LPIN1: variants seen among roughly 807,000 people sequenced by gnomAD.
LPIN1 encodes the protein phosphatidate phosphatase LPIN1.
In LPIN1, 71 loss-of-function variants were observed where a neutral mutation model predicts 107.5. The observed-to-expected ratio is 0.66, with a 90% confidence interval of 0.55 to 0.80. The LOEUF is 0.80. LPIN1 is among the 30% of genes least tolerant of loss of function. LPIN1 has a pLI of 0.00. For missense variants in LPIN1, 1,043 were observed against 1,160.6 expected (o/e 0.90, Z 1.47); for synonymous variants, 445 against 452.6 (o/e 0.98, Z 0.21).
chr2:11,817,535 G>A (rs1359261796), intron 18 of LPIN1: 1 of 152,178 alleles, frequency 6.6e-6, no homozygotes, highest in Non-Finnish European at 1.5e-5. Flanking sequence ...TAGGTCTATA[G>A]TCCACTAAGA....
intron 14 of LPIN1, 22 bp from the exon 15 acceptor site, chr2:11,802,885 A>T (rs764569863): frequency 6.2e-7 from 1 of 1,611,992 alleles, no homozygotes; most frequent in South Asian, 1.1e-5. Flanking sequence ...CTAATTGGTG[A>T]TGACATCACT....
At chr2:11,757,658 AG>A (rs1668880889) in intron 1 of LPIN1, among the ~76,000 whole-genome samples, 1 of 152,142 alleles carries the variant, frequency 6.6e-6, no homozygotes, top group Non-Finnish European at 1.5e-5. Context: ...GGTCCCTTAA[AG>A]GGCATGGTCC....
At chr2:11,694,333 T>C (rs887370483) in intron 1 of LPIN1, among the ~76,000 whole-genome samples, 1 of 152,182 alleles carries the variant, frequency 6.6e-6, no homozygotes, top group Non-Finnish European at 1.5e-5. Context: ...GAGAGGCTCA[T>C]GCAAGGATTC....
chr2:11,824,650 A>G lies in LPIN1; in HGVS notation c.2640A>G (p.Glu880=), dbSNP rs755418801. ...CTTCCAGGTATGTGAGACTCTGTGA[A>G]GTAGTCGACCACGTTTTCCCGTTGC... The part of the protein sequence containing the change: ...TNISSYVRLC[E]VVDHVFPLLK... Residue 880 remains glutamate, a synonymous_variant, in exon 21 of 21, where the codon GAA becomes GAG. Transcript: ENST00000674199. 1 of 1,614,036 alleles carries G rather than the reference A, an allele frequency of 6.2e-7. No individual in the cohort carries two copies. The highest frequency in any genetic ancestry group is 1.1e-5 in the South Asian group (1 of 91,068).
intron 1 of LPIN1, among the ~76,000 whole-genome samples, chr2:11,691,035 ACATTTTGCTTGAGGGCT>A (rs1662241567): frequency 6.7e-6 from 1 of 150,356 alleles, no homozygotes; most frequent in Non-Finnish European, 1.5e-5. Flanking sequence ...TTAGCATTAG[ACATTTTGCTTGAGGGCT>A]CATTTTGAGT....
At chr2:11,773,539 CT>C in intron 4 of LPIN1, 80 bp from the exon 5 acceptor site, 1 of 1,227,726 alleles carries the variant, frequency 8.1e-7, no homozygotes, top group Non-Finnish European at 1.2e-6. Context: ...GCACTTAGAG[CT>C]AATCAAGAAA....
At chr2:11,793,194 C>G (rs1676084709) in intron 13 of LPIN1, among the ~76,000 whole-genome samples, 1 of 152,216 alleles carries the variant, frequency 6.6e-6, no homozygotes, top group Non-Finnish European at 1.5e-5. Flanking sequence ...AATGGCACCA[C>G]TGTCCATCTG....
intron 1 of LPIN1, among the ~76,000 whole-genome samples, chr2:11,728,013 T>G (rs937502257): frequency 6.6e-6 from 1 of 152,190 alleles, no homozygotes; most frequent in African/African-American, 2.4e-5. Flanking sequence ...TTGAAACACT[T>G]TTTGCCAGAG....
At chr2:11,720,535 G>A (rs140799333), upstream of LPIN1, among the ~76,000 whole-genome samples, 9 of 152,248 alleles carry the variant, frequency 5.9e-5, no homozygotes, top group African/African-American at 2.2e-4. Flanking sequence ...GATGATGCTC[G>A]AACTAAGGTT....
chr2:11,797,583 G>C (rs1676946418), intron 14 of LPIN1, among the ~76,000 whole-genome samples: 1 of 152,230 alleles, frequency 6.6e-6, no homozygotes, highest in African/African-American at 2.4e-5. Flanking sequence ...TAAATTTAAT[G>C]ACTGCCCTAT....
intron 1 of LPIN1, among the ~76,000 whole-genome samples, chr2:11,699,827 G>A (rs1022933846): frequency 1.1e-4 from 16 of 152,130 alleles, no homozygotes; most frequent in South Asian, 2.1e-4. Flanking sequence ...GACTGATTCC[G>A]CCTGCAGGAG....
At chr2:11,801,317 C>T (rs1030624967) in intron 14 of LPIN1, among the ~76,000 whole-genome samples, 2 of 152,190 alleles carry the variant, frequency 1.3e-5, no homozygotes, top group Admixed American at 6.5e-5. Context: ...ATGTTTATCA[C>T]AGCACTATTC....
intron 2 of LPIN1, 180 bp from the exon 3 acceptor site, chr2:11,767,583 C>A: frequency 1.5e-6 from 1 of 646,544 alleles, no homozygotes; most frequent in Non-Finnish European, 2.8e-6. Flanking sequence ...GAACCCAGAA[C>A]TCCTCCAGTC....
chr2:11,791,408 G>A (rs1208673942), intron 12 of LPIN1, among the ~76,000 whole-genome samples: 2 of 152,026 alleles, frequency 1.3e-5, no homozygotes, highest in East Asian at 1.9e-4. Context: ...TTTAATACTC[G>A]AGATTTTAAA....
At position 11,806,408 on chromosome 2, in the gene LPIN1, G is replaced by A. The variant is rs1050809049; in HGVS notation, c.2249+1252G>A. On this transcript the variant is annotated intron_variant, in intron 17 of 20. Coordinates refer to ENST00000674199, the MANE Select transcript of LPIN1 (RefSeq NM_001349206.2). ...CTTTATGATCCAGTAGAAAAATGGC[G>A]GCTTGGAGAGAGAACCTTAATCCTG... Among the ~76,000 whole-genome samples, 9 of 152,096 alleles carry A rather than the reference G, an allele frequency of 5.9e-5. No homozygotes were observed. The South Asian group carries it at 8.3e-4, about 14-fold the overall frequency.
At chr2:11,821,192 C>T (rs536035644) in intron 20 of LPIN1, among the ~76,000 whole-genome samples, 2 of 152,206 alleles carry the variant, frequency 1.3e-5, no homozygotes, top group Non-Finnish European at 2.9e-5. Context: ...GACTACACCT[C>T]TTCTGGTCTG....
chr2:11,786,971 A>G lies in LPIN1; in HGVS notation c.1550-103A>G. ...ATTGTCTGCACAGTTGGAATGCACA[A>G]ACTCTCAGAAAACACTTGTGAGTGA... On this transcript the variant is annotated intron_variant, in intron 10 of 20. Transcript: ENST00000674199. This position sits in a 1 kb window ranked among gnomAD's most constrained non-coding sequence, Gnocchi z 4.1. 1.2e-6 allele frequency: 1 copy of G among 808,208 alleles called. No individual in the cohort carries two copies. The highest frequency in any genetic ancestry group is 2.2e-6 in the Non-Finnish European group (1 of 455,238). The allele number at this position is 808,208 out of a possible 1,614,324, so 50.1% of individuals were successfully genotyped here.
At chr2:11,699,382 C>T (rs1662748825) in intron 1 of LPIN1, among the ~76,000 whole-genome samples, 1 of 152,060 alleles carries the variant, frequency 6.6e-6, no homozygotes, top group Admixed American at 6.6e-5. Context: ...CAGGGTCGAC[C>T]CACAGCTTAG....
chr2:11,800,852 T>A (rs933009688), intron 14 of LPIN1, among the ~76,000 whole-genome samples: 8 of 152,204 alleles, frequency 5.3e-5, no homozygotes, highest in Non-Finnish European at 7.4e-5. Context: ...TCTCTGCTGT[T>A]GAGTTGTTTG....
Sources: allele counts gnomAD v4.1 joint callset (sites outside exome capture counted in the v4.1 genomes callset), GRCh38; gene constraint gnomAD v4.1.1; non-coding constraint Gnocchi (gnomAD v3.1); transcripts MANE v1.5; gene names NCBI Gene and HGNC (gene_info 2026-07-23, HGNC 2026-07-21).